PCGF5: variants seen among roughly 807,000 people sequenced by gnomAD.
PCGF5 encodes polycomb group ring finger 5.
In PCGF5, 9 loss-of-function variants were observed where a neutral mutation model predicts 44.3. The ratio of observed to expected loss-of-function variants is 0.20; its 90% CI spans 0.12 to 0.35. PCGF5 has a LOEUF of 0.35. Ranked by LOEUF, PCGF5 falls within the 10% of genes least tolerant of loss-of-function variation. The pLI is 1.00. For synonymous variants in PCGF5, 95 were observed against 102.5 expected (o/e 0.93, Z 0.44); for missense variants, 146 against 305.3 (o/e 0.48, Z 3.89).
intron 2 of PCGF5, among the ~76,000 whole-genome samples, chr10:91,231,465 C>G (rs1005496803): frequency 1.3e-5 from 2 of 152,056 alleles, no homozygotes; most frequent in Non-Finnish European, 2.9e-5. Context: ...AGGAGTTAGC[C>G]AGATATCTGA....
chr10:91,227,019 C>T (rs182925735), intron 2 of PCGF5, among the ~76,000 whole-genome samples: 1 of 152,160 alleles, frequency 6.6e-6, no homozygotes, highest in African/African-American at 2.4e-5. Context: ...CCATGGTTTA[C>T]ATGGCTGTGA....
intron 2 of PCGF5, among the ~76,000 whole-genome samples, chr10:91,224,319 G>C (rs1327851487): frequency 6.6e-6 from 1 of 152,082 alleles, no homozygotes; most frequent in Non-Finnish European, 1.5e-5. Context: ...TGTATTACTA[G>C]TTTGCTGTTG....
intron 1 of PCGF5, among the ~76,000 whole-genome samples, chr10:91,195,493 G>T (rs947217491): frequency 4.0e-4 from 61 of 150,972 alleles, no homozygotes; most frequent in African/African-American, 1.2e-3. Flanking sequence ...TATAGAGAGA[G>T]AGAGAGAGAG....
intron 1 of PCGF5, among the ~76,000 whole-genome samples, chr10:91,204,665 G>A (rs1844308714): frequency 6.6e-6 from 1 of 152,162 alleles, no homozygotes; most frequent in South Asian, 2.1e-4. Context: ...AGAGCTCTGA[G>A]GATAAAAATA....
chr10:91,187,691 C>T (rs1843952458), intron 1 of PCGF5, among the ~76,000 whole-genome samples: 1 of 152,126 alleles, frequency 6.6e-6, no homozygotes, highest in East Asian at 1.9e-4. Flanking sequence ...TTCAATGCTT[C>T]ATGTTTTCTT....
At chr10:91,216,507 G>GT (rs1187789789), upstream of PCGF5, among the ~76,000 whole-genome samples, 2 of 152,170 alleles carry the variant, frequency 1.3e-5, no homozygotes, top group Non-Finnish European at 2.9e-5. Context: ...TAGAAATGAG[G>GT]TTTTTTAAAG....
intron 1 of PCGF5, among the ~76,000 whole-genome samples, chr10:91,193,914 C>G (rs545518191): frequency 6.6e-6 from 1 of 152,168 alleles, no homozygotes; most frequent in South Asian, 2.1e-4. Context: ...GTGTTAAAGA[C>G]GAAGTCCATT....
At chr10:91,277,487 AAC>A (rs1362893591) in intron 9 of PCGF5, among the ~76,000 whole-genome samples, 2 of 151,870 alleles carry the variant, frequency 1.3e-5, no homozygotes, top group Non-Finnish European at 2.9e-5. Flanking sequence ...GGTAAAAACA[AAC>A]ACAGAGGTAG....
chr10:91,164,596 G>C (rs12249777), intron 1 of PCGF5, among the ~76,000 whole-genome samples: 1,972 of 152,230 alleles, frequency 0.013, 43 homozygotes, highest in African/African-American at 0.043. Context: ...AGTTTTTTGA[G>C]GGTTTTTAAA....
rs1261706228 is a variant in PCGF5 at position 91,227,764 on chromosome 10, C to T, written c.112+4781C>T. On this transcript the variant is annotated intron_variant, in intron 2 of 9. Coordinates refer to ENST00000336126, the MANE Select transcript of PCGF5 (RefSeq NM_032373.5). ...TGGTTTCTGCCTACCACTTCCTCCC[C>T]TACCACCTAACACTCACACATACAA... The T allele has an allele frequency of 6.0e-6, 6 of 999,826 alleles. No individual in the cohort carries two copies. In the African/African-American group the frequency reaches 1.0e-4, roughly 17 times the overall value. The allele number at this position is 999,826 out of a possible 1,614,324, so 61.9% of individuals were successfully genotyped here.
intron 3 of PCGF5, among the ~76,000 whole-genome samples, chr10:91,248,109 A>C (rs1841176245): frequency 6.6e-6 from 1 of 152,148 alleles, no homozygotes; most frequent in South Asian, 2.1e-4. Context: ...AGAGAGAGAA[A>C]TAGAGACAAA....
At chr10:91,195,266 A>G (rs544985391) in intron 1 of PCGF5, among the ~76,000 whole-genome samples, 2 of 151,944 alleles carry the variant, frequency 1.3e-5, no homozygotes, top group East Asian at 3.9e-4. Flanking sequence ...GCCTCTGAAC[A>G]TTAGCTATCA....
the PCGF5 span, among the ~76,000 whole-genome samples, chr10:91,156,717 C>T: frequency 3.9e-5 from 6 of 152,092 alleles, no homozygotes; most frequent in Non-Finnish European, 7.4e-5. Flanking sequence ...GTGCAAGAAC[C>T]CCTAACCATC....
At chr10:91,260,789 A>G (rs1845884753) in intron 6 of PCGF5, among the ~76,000 whole-genome samples, 1 of 123,190 alleles carries the variant, frequency 8.1e-6, no homozygotes, top group Admixed American at 1.0e-4. Flanking sequence ...GAAGGGGAAC[A>G]TCACACTCTG....
At chr10:91,271,978 C>G (rs1216032097) in intron 9 of PCGF5, among the ~76,000 whole-genome samples, 1 of 152,200 alleles carries the variant, frequency 6.6e-6, no homozygotes, top group Non-Finnish European at 1.5e-5. Context: ...GAAATCTCTA[C>G]TCCATATTGG....
At position 91,278,395 on chromosome 10, in the gene PCGF5, G is replaced by T; in HGVS notation, c.*79G>T. On this transcript the variant is annotated 3_prime_UTR_variant, in exon 10 of 10. Transcript: ENST00000336126. ...CAACAGATTGCACAGTTAACGGTGTGTGGACTAGAGGAACACAACCAGATT... is the reference window on the plus strand; with the variant it reads ...CAACAGATTGCACAGTTAACGGTGTTTGGACTAGAGGAACACAACCAGATT... The T allele has an allele frequency of 7.8e-7, 1 of 1,281,056 alleles. No homozygotes were observed. The highest frequency in any genetic ancestry group is 1.1e-6 in the Non-Finnish European group (1 of 879,502). The allele number at this position is 1,281,056 out of a possible 1,614,324, so 79.4% of individuals were successfully genotyped here.
At chr10:91,220,998 T>G (rs1844659677) in intron 1 of PCGF5, among the ~76,000 whole-genome samples, 162 bp downstream of exon 1, 1 of 151,808 alleles carries the variant, frequency 6.6e-6, no homozygotes, top group East Asian at 2.0e-4. Context: ...GGCGGGGGCT[T>G]CGGAGCTGTG....
At chr10:91,210,901 T>C (rs1268435641) in intron 1 of PCGF5, among the ~76,000 whole-genome samples, 1 of 152,208 alleles carries the variant, frequency 6.6e-6, no homozygotes, top group Non-Finnish European at 1.5e-5. Flanking sequence ...TGTAGAAGAA[T>C]ATCTCATTTT....
intron 2 of PCGF5, among the ~76,000 whole-genome samples, chr10:91,239,925 C>T (rs890471575): frequency 6.6e-6 from 1 of 152,146 alleles, no homozygotes; most frequent in Admixed American, 6.5e-5. Flanking sequence ...TACCATTATT[C>T]ATACTTCGTG....
Sources: gnomAD v4.1 joint callset for allele counts (sites outside exome capture counted in the v4.1 genomes callset) on GRCh38, gnomAD v4.1.1 for gene constraint, MANE v1.5 for transcripts, NCBI Gene and HGNC (gene_info 2026-07-23, HGNC 2026-07-21) for gene names.